The following PDE8B variants were observed in gnomAD, a reference collection of about 807,000 sequenced individuals.
PDE8B encodes phosphodiesterase 8B.
In PDE8B, 26 loss-of-function variants were observed where a neutral mutation model predicts 101.3. The observed-to-expected ratio is 0.26, with a 90% CI of 0.19 to 0.36. The LOEUF (loss-of-function observed/expected upper bound fraction) is 0.36. Among genes scored for constraint, PDE8B ranks in the 10% least tolerant of loss-of-function variants. PDE8B has a pLI of 1.00. For missense variants in PDE8B, 810 were observed against 1,163.1 expected, an observed-to-expected ratio of 0.70 and a Z score of 4.42; for synonymous variants, 424 against 429.3, an observed-to-expected ratio of 0.99 and a Z score of 0.15.
intron 1 of PDE8B, among the ~76,000 whole-genome samples, chr5:77,226,995 G>A (rs1210046216): frequency 1.3e-5 from 2 of 152,054 alleles, no homozygotes; most frequent in Non-Finnish European, 2.9e-5. Flanking sequence ...AGTCCTATGC[G>A]TTTACACTGG....
intron 1 of PDE8B, chr5:77,290,167 T>C: frequency 7.0e-7 from 1 of 1,421,592 alleles, no homozygotes; most frequent in Non-Finnish European, 9.7e-7. Flanking sequence ...AATCTGGTCT[T>C]ACATTAAAAA....
intron 1 of PDE8B, among the ~76,000 whole-genome samples, chr5:77,242,756 C>G (rs1284772941): frequency 6.6e-6 from 1 of 152,142 alleles, no homozygotes; most frequent in Non-Finnish European, 1.5e-5. Flanking sequence ...ACTGAAAGCT[C>G]CATCTCCCGG....
chr5:77,276,639 CAG>C (rs770594478), intron 1 of PDE8B, among the ~76,000 whole-genome samples: 3 of 152,208 alleles, frequency 2.0e-5, no homozygotes, highest in Non-Finnish European at 2.9e-5. Flanking sequence ...GTCTAACTCA[CAG>C]TGCTGGACTC....
the PDE8B span, among the ~76,000 whole-genome samples, chr5:77,107,431 T>G: frequency 1.3e-5 from 2 of 152,242 alleles, no homozygotes; most frequent in African/African-American, 4.8e-5. Flanking sequence ...CATAGATTCC[T>G]TAGGATTTTC....
the PDE8B span, among the ~76,000 whole-genome samples, chr5:77,173,454 G>T: frequency 6.6e-6 from 1 of 152,064 alleles, no homozygotes. Context: ...TTACAAAATT[G>T]CTTCATTCTC....
At chr5:77,228,041 C>T (rs1297630057) in intron 1 of PDE8B, among the ~76,000 whole-genome samples, 1 of 152,170 alleles carries the variant, frequency 6.6e-6, no homozygotes, top group African/African-American at 2.4e-5. Context: ...TACAAGGCTG[C>T]AATCAAGATG....
intron 1 of PDE8B, chr5:77,290,357 CT>C (rs1459169606): frequency 2.8e-6 from 4 of 1,424,924 alleles, no homozygotes; most frequent in Non-Finnish European, 4.0e-6. Context: ...ATAATGGAAG[CT>C]GGGGAGGCCG....
At chr5:77,129,266 T>G in the PDE8B span, among the ~76,000 whole-genome samples, 2 of 152,146 alleles carry the variant, frequency 1.3e-5, no homozygotes, top group South Asian at 4.1e-4. Flanking sequence ...TACCTGAGGA[T>G]TTTTTCAAAA....
chr5:77,239,692 A>G (rs977461431), intron 1 of PDE8B, among the ~76,000 whole-genome samples: 8 of 152,230 alleles, frequency 5.3e-5, no homozygotes, highest in African/African-American at 1.9e-4. Flanking sequence ...ATGCTTATGT[A>G]ACTTTAAAAC....
At chr5:77,412,649 AGGTGTT>A (rs1174638979) in intron 16 of PDE8B, among the ~76,000 whole-genome samples, 1 of 151,818 alleles carries the variant, frequency 6.6e-6, no homozygotes, top group Non-Finnish European at 1.5e-5. Context: ...TTCTTCCCAG[AGGTGTT>A]GGTCTGTTGG....
chr5:77,235,449 G>A (rs1180344241), intron 1 of PDE8B, among the ~76,000 whole-genome samples: 1 of 152,196 alleles, frequency 6.6e-6, no homozygotes, highest in African/African-American at 2.4e-5. Flanking sequence ...GTTTCTCCCT[G>A]TTAGAGTCTC....
the PDE8B span, among the ~76,000 whole-genome samples, chr5:77,129,413 A>AG: frequency 1.3e-5 from 2 of 152,158 alleles, no homozygotes; most frequent in African/African-American, 4.8e-5. Flanking sequence ...CATACTTTGC[A>AG]GGTAGCCAGG....
intron 1 of PDE8B, among the ~76,000 whole-genome samples, chr5:77,245,830 A>C (rs1347064401): frequency 5.2e-5 from 4 of 76,908 alleles, no homozygotes; most frequent in African/African-American, 1.8e-4. Flanking sequence ...CCTCTCTCCT[A>C]TAACCTCCTC....
chr5:77,385,980 G>A (rs1433065274), intron 10 of PDE8B, among the ~76,000 whole-genome samples: 2 of 151,998 alleles, frequency 1.3e-5, no homozygotes, highest in Non-Finnish European at 2.9e-5. Context: ...GTAGAGACGG[G>A]GTTTCACTAT....
At chr5:77,176,050 G>A in the PDE8B span, among the ~76,000 whole-genome samples, 9 of 152,102 alleles carry the variant, frequency 5.9e-5, no homozygotes, top group African/African-American at 7.2e-5. Flanking sequence ...CTGAGTGGTC[G>A]GGCTTCTATT....
At chr5:77,166,073 C>T in the PDE8B span, among the ~76,000 whole-genome samples, 2 of 151,626 alleles carry the variant, frequency 1.3e-5, no homozygotes, top group Non-Finnish European at 2.9e-5. Flanking sequence ...TTCTGGAAGC[C>T]AGCTGTGGCA....
At chr5:77,407,545 G>A (rs1793733937) in intron 13 of PDE8B, 88 bp downstream of exon 13, 1 of 944,104 alleles carries the variant, frequency 1.1e-6, no homozygotes, top group Non-Finnish European at 1.7e-6. Flanking sequence ...ACATCATGGA[G>A]CTCAGTCTAG....
At chr5:77,381,030 G>A (rs1298883241) in intron 10 of PDE8B, among the ~76,000 whole-genome samples, 1 of 152,200 alleles carries the variant, frequency 6.6e-6, no homozygotes, top group Non-Finnish European at 1.5e-5. Flanking sequence ...AGGAAGCCAG[G>A]ATGGCCTGCA....
At chr5:77,262,022 AT>A (rs1275249768) in intron 1 of PDE8B, among the ~76,000 whole-genome samples, 1 of 152,116 alleles carries the variant, frequency 6.6e-6, no homozygotes, top group Non-Finnish European at 1.5e-5. Flanking sequence ...TTTGTACATA[AT>A]TTTTTTAATG....
Sources: gnomAD v4.1 joint callset for allele counts (sites outside exome capture counted in the v4.1 genomes callset) on GRCh38, gnomAD v4.1.1 for gene constraint, MANE v1.5 for transcripts, NCBI Gene and HGNC (gene_info 2026-07-23, HGNC 2026-07-21) for gene names.